The following PAK3 variants were observed in gnomAD, a reference collection of about 807,000 sequenced individuals.
The protein encoded by PAK3 is p21 (RAC1) activated kinase 3, also known as serine/threonine-protein kinase PAK 3.
A neutral mutation model predicts 41.0 loss-of-function variants in PAK3; 4 were observed. That is an observed-to-expected ratio of 0.10 (90% CI 0.05 to 0.22). PAK3 has a LOEUF of 0.22. Ranked by LOEUF, PAK3 falls within the 10% of genes least tolerant of loss-of-function variation. PAK3 has a pLI of 1.00. For missense variants in PAK3, 205 were observed against 409.9 expected (o/e 0.50, Z 4.32); for synonymous variants, 146 against 139.6 (o/e 1.05, Z -0.32).
chrX:111,055,956 GC>G (rs1453438850), intron 1 of PAK3, among the ~76,000 whole-genome samples: 1 of 110,583 alleles, frequency 9.0e-6, no homozygotes, highest in Non-Finnish European at 1.9e-5. Flanking sequence ...CCCTCTTTCT[GC>G]CCCTTTCTTC....
chrX:111,009,295 G>A (rs1011886501), intron 1 of PAK3, among the ~76,000 whole-genome samples: 3 of 111,102 alleles, frequency 2.7e-5, no homozygotes, highest in Non-Finnish European at 3.8e-5. Context: ...TGCTCTTTGG[G>A]GGCAAAGGGA....
At chrX:111,054,804 C>G (rs2092589652) in intron 1 of PAK3, among the ~76,000 whole-genome samples, 1 of 111,656 alleles carries the variant, frequency 9.0e-6, no homozygotes, top group African/African-American at 3.3e-5. Flanking sequence ...CCTCCACCAT[C>G]ACCTCAGCTG....
chrX:110,975,714 A>G (rs892859751), intron 1 of PAK3, among the ~76,000 whole-genome samples: 1 of 111,987 alleles, frequency 8.9e-6, no homozygotes, highest in Non-Finnish European at 1.9e-5. Context: ...AAACTATACT[A>G]CAAGGCCACA....
At chrX:111,127,335 C>T (rs2093661003) in intron 5 of PAK3, among the ~76,000 whole-genome samples, 2 of 110,302 alleles carry the variant, frequency 1.8e-5, no homozygotes, top group African/African-American at 6.6e-5. Flanking sequence ...AAAATATTTG[C>T]TTTGGTGAAA....
intron 1 of PAK3, among the ~76,000 whole-genome samples, chrX:111,051,258 C>T: frequency 9.0e-6 from 1 of 111,673 alleles, no homozygotes; most frequent in Non-Finnish European, 1.9e-5. Context: ...TAGAAAAATG[C>T]CTGGCCATAG....
chrX:111,148,894 C>T (rs1287026099), intron 7 of PAK3, among the ~76,000 whole-genome samples: 1 of 111,259 alleles, frequency 9.0e-6, no homozygotes, highest in Non-Finnish European at 1.9e-5. Context: ...GCCTTCCCAA[C>T]AGTCCCCCAA....
At chrX:110,993,674 A>G (rs952034900) in intron 1 of PAK3, among the ~76,000 whole-genome samples, 1 of 112,234 alleles carries the variant, frequency 8.9e-6, no homozygotes, top group Non-Finnish European at 1.9e-5. Context: ...TAAATCCAAG[A>G]TATGTTGTCA....
At chrX:111,061,408 G>T (rs1306945925) in intron 1 of PAK3, among the ~76,000 whole-genome samples, 2 of 111,756 alleles carry the variant, frequency 1.8e-5, no homozygotes, top group Non-Finnish European at 3.8e-5. Flanking sequence ...AATATGCTTT[G>T]ATATCTGTAA....
intron 1 of PAK3, among the ~76,000 whole-genome samples, chrX:111,057,542 C>T (rs1213321334): frequency 8.9e-6 from 1 of 111,802 alleles, no homozygotes; most frequent in Non-Finnish European, 1.9e-5. Flanking sequence ...CAAAAATTAA[C>T]AATAATTTCC....
intron 1 of PAK3, among the ~76,000 whole-genome samples, chrX:110,981,263 C>T (rs750441749): frequency 2.7e-5 from 3 of 111,746 alleles, no homozygotes; most frequent in African/African-American, 3.3e-5. Context: ...TTAAAGGAGA[C>T]TGAAGAGATA....
At chrX:111,201,752 CAG>C (rs201781310) in intron 16 of PAK3, among the ~76,000 whole-genome samples, 14,734 of 110,047 alleles carry the variant, frequency 0.13, 2,415 homozygotes, top group African/African-American at 0.45. Context: ...GTCTATCTTA[CAG>C]AGTTAGCATG....
intron 1 of PAK3, among the ~76,000 whole-genome samples, chrX:110,988,884 T>A (rs1457006361): frequency 8.9e-6 from 1 of 112,339 alleles, no homozygotes; most frequent in Non-Finnish European, 1.9e-5. Flanking sequence ...GTTTAGCTGC[T>A]CTTGGTTAGT....
chrX:111,182,200 C>A (rs1046178224), intron 11 of PAK3, among the ~76,000 whole-genome samples: 2 of 111,065 alleles, frequency 1.8e-5, no homozygotes, highest in African/African-American at 6.5e-5. Flanking sequence ...CACTGTGAAA[C>A]AGCTGCTTAG....
At chrX:111,009,367 T>C (rs139787713) in intron 1 of PAK3, among the ~76,000 whole-genome samples, 117 of 112,056 alleles carry the variant, frequency 1.0e-3, no homozygotes, top group African/African-American at 3.5e-3. Flanking sequence ...ACTGGAAAGA[T>C]TCCAGGTCTA....
At chrX:111,117,684 G>A (rs2093490362) in intron 4 of PAK3, among the ~76,000 whole-genome samples, 1 of 111,630 alleles carries the variant, frequency 9.0e-6, no homozygotes, top group Admixed American at 9.5e-5. Context: ...CTTACTCCAA[G>A]CTGTAACAAA....
At chrX:111,008,217 G>T (rs1300162632) in intron 1 of PAK3, among the ~76,000 whole-genome samples, 1 of 112,265 alleles carries the variant, frequency 8.9e-6, no homozygotes, top group East Asian at 2.8e-4. Context: ...ACCTCTCTGA[G>T]CCTCAGTTCC....
chrX:111,045,204 A>C (rs1057184991), intron 1 of PAK3, among the ~76,000 whole-genome samples: 12 of 112,318 alleles, frequency 1.1e-4, no homozygotes, highest in Non-Finnish European at 2.3e-4. Context: ...GCAATTGGAA[A>C]GGTGCCCAAA....
chrX:111,034,793 C>T (rs2092376648), intron 1 of PAK3, among the ~76,000 whole-genome samples: 1 of 111,163 alleles, frequency 9.0e-6, no homozygotes, highest in Admixed American at 9.6e-5. Flanking sequence ...CTGGGCCTTA[C>T]TTTCTCATCT....
intron 1 of PAK3, among the ~76,000 whole-genome samples, chrX:110,947,867 C>A (rs961995794): frequency 1.8e-5 from 2 of 111,530 alleles, no homozygotes; most frequent in African/African-American, 6.5e-5. Context: ...TTCCTTCCCC[C>A]CTCTTTAAAA....
Sources: allele counts gnomAD v4.1 joint callset (sites outside exome capture counted in the v4.1 genomes callset), GRCh38; gene constraint gnomAD v4.1.1; transcripts MANE v1.5; gene names NCBI Gene and HGNC (gene_info 2026-07-23, HGNC 2026-07-21).